LRRK2: variants seen among roughly 807,000 people sequenced by gnomAD.
LRRK2 encodes leucine-rich repeat serine/threonine-protein kinase 2.
In LRRK2, 203 loss-of-function variants were observed where a neutral mutation model predicts 302.6. That is an observed-to-expected ratio of 0.67 (90% confidence interval 0.60 to 0.75). The LOEUF is 0.75. Ranked by LOEUF, LRRK2 falls within the 30% of genes least tolerant of loss-of-function variation. The probability of loss-of-function intolerance (pLI) is 0.00; values close to 1 mark genes in which losing one functional copy is unlikely to be tolerated. For synonymous variants in LRRK2, 1,066 were observed against 1,031.9 expected (o/e 1.03, Z -0.63); for missense variants, 2,830 against 2,951.0 (o/e 0.96, Z 0.95).
intron 45 of LRRK2, 69 bp downstream of exon 45, chr12:40,354,561 G>A: frequency 7.4e-7 from 1 of 1,347,180 alleles, no homozygotes; most frequent in Non-Finnish European, 1.1e-6. Context: ...GTGCATAATT[G>A]TTATTGCATC....
chr12:40,282,451 T>C (rs1382715907), intron 18 of LRRK2, among the ~76,000 whole-genome samples: 1 of 152,050 alleles, frequency 6.6e-6, no homozygotes, highest in Non-Finnish European at 1.5e-5. Flanking sequence ...GTGTTTGGCC[T>C]GAGAGGTTAG....
At chr12:40,249,158 A>G (rs1003057949) in intron 7 of LRRK2, among the ~76,000 whole-genome samples, 6 of 152,178 alleles carry the variant, frequency 3.9e-5, no homozygotes, top group African/African-American at 1.4e-4. Context: ...TTAGTGAGTT[A>G]CAAATAAGCC....
intron 6 of LRRK2, 46 bp from the exon 7 acceptor site, chr12:40,243,504 G>C (rs972945364): frequency 8.7e-6 from 14 of 1,602,714 alleles, no homozygotes; most frequent in Admixed American, 1.7e-5. Flanking sequence ...TATTTGAAAG[G>C]AGAACATGGT....
chr12:40,339,293 C>A (rs1181380410), intron 40 of LRRK2, among the ~76,000 whole-genome samples: 5 of 152,164 alleles, frequency 3.3e-5, no homozygotes, highest in Non-Finnish European at 7.4e-5. Flanking sequence ...TTATAACATA[C>A]CTGTGACATC....
intron 2 of LRRK2, among the ~76,000 whole-genome samples, chr12:40,227,313 C>T (rs1045356497): frequency 9.2e-5 from 14 of 152,132 alleles, no homozygotes; most frequent in African/African-American, 2.2e-4. Flanking sequence ...GTGTTGGCAA[C>T]GTTGCAATTT....
chr12:40,302,956 A>G, intron 26 of LRRK2, 74 bp downstream of exon 26: 1 of 1,020,250 alleles, frequency 9.8e-7, no homozygotes, highest in Non-Finnish European at 1.5e-6. Context: ...ATTTCGATTT[A>G]GTCATATAGA....
chr12:40,255,575 C>T (rs1942466428), intron 11 of LRRK2, among the ~76,000 whole-genome samples: 1 of 152,138 alleles, frequency 6.6e-6, no homozygotes. Context: ...GTTCCTGGAC[C>T]AGCAGCATTT....
intron 39 of LRRK2, among the ~76,000 whole-genome samples, chr12:40,332,665 C>T (rs1945744955): frequency 6.6e-6 from 1 of 152,060 alleles, no homozygotes; most frequent in Non-Finnish European, 1.5e-5. Context: ...TTAGTAACAA[C>T]AGTCACACTG....
intron 50 of LRRK2, chr12:40,367,406 T>C (rs1946911769): frequency 9.8e-6 from 4 of 408,824 alleles, no homozygotes; most frequent in Non-Finnish European, 1.7e-5. Flanking sequence ...TTTTAGAATA[T>C]GAAATGTTAA....
chr12:40,353,969 C>A (rs1035780406), intron 44 of LRRK2, among the ~76,000 whole-genome samples: 8 of 151,892 alleles, frequency 5.3e-5, no homozygotes, highest in Non-Finnish European at 7.4e-5. Flanking sequence ...CAGAGGGAGA[C>A]GGTGGAAAGA....
intron 11 of LRRK2, 139 bp from the exon 12 acceptor site, chr12:40,257,109 G>A (rs1385456723): frequency 1.1e-5 from 7 of 661,662 alleles, no homozygotes; most frequent in Non-Finnish European, 2.5e-6. Context: ...TTATCTTTAA[G>A]CTGTCAATGA....
At chr12:40,240,369 A>G (rs191481816) in intron 5 of LRRK2, 114 bp from the exon 6 acceptor site, 36 of 896,752 alleles carry the variant, frequency 4.0e-5, no homozygotes, top group East Asian at 3.7e-4. Flanking sequence ...TTTTTATTTA[A>G]GGAGATTACA....
chr12:40,301,961 A>G (rs1225021275), intron 25 of LRRK2, among the ~76,000 whole-genome samples: 1 of 152,024 alleles, frequency 6.6e-6, no homozygotes, highest in Non-Finnish European at 1.5e-5. Flanking sequence ...GGCAGATCAC[A>G]AGGTCAGGAG....
chr12:40,367,060 G>A lies in LRRK2; in HGVS notation c.7445G>A (p.Gly2482Asp), dbSNP rs1319495993. The A allele has an allele frequency of 3.1e-6, 5 of 1,608,330 alleles. No homozygotes were observed. Among genetic ancestry groups the A allele is most frequent in the Non-Finnish European group, 4.3e-6 (5 of 1,176,208 alleles). Residue 2482 changes from glycine (G) to aspartate (D), a missense_variant, in exon 50 of 51, where the codon GGT (glycine) becomes GAT (aspartate). Coordinates refer to ENST00000298910, the MANE Select transcript of LRRK2 (RefSeq NM_198578.4). Reference protein sequence around the residue: ...VLGYNRKNTEGTQKQKEIQSC... With the variant: ...VLGYNRKNTEDTQKQKEIQSC... ...GGCTACAACCGGAAAAATACTGAAG[G>A]TACACAAAAGCAGAAAGGTAACATT...
intron 20 of LRRK2, 90 bp downstream of exon 20, chr12:40,287,629 A>G: frequency 7.6e-7 from 1 of 1,319,612 alleles, no homozygotes; most frequent in Non-Finnish European, 1.1e-6. Context: ...GACCTAAATC[A>G]TCTGGAAAAA....
chr12:40,299,156 A>G lies in LRRK2; in HGVS notation c.3395A>G (p.Lys1132Arg). 1 of 1,613,548 alleles carries G rather than the reference A, an allele frequency of 6.2e-7. No individual in the cohort carries two copies. Among genetic ancestry groups the G allele is most frequent in the South Asian group, 1.1e-5 (1 of 91,074 alleles). ...TCCCCCTTGAGACTGAAGGAACTGA[A>G]GATTTTAAACCTTAGTAAGAACCAC... Reference protein sequence around the residue: ...ICSPLRLKELKILNLSKNHIS... With the variant: ...ICSPLRLKELRILNLSKNHIS... The change falls in exon 25 of 51, where the codon AAG becomes AGG. Residue 1132 changes from lysine (K) to arginine (R), a missense_variant. Physicochemically the swap from Lys to Arg is conservative, Grantham distance 26. This residue lies in a region of LRRK2 where 2,121 missense variants were observed against 2,148.0 expected (regional missense o/e 0.99). Coordinates refer to ENST00000298910, the MANE Select transcript of LRRK2 (RefSeq NM_198578.4).
At chr12:40,275,331 G>A (rs763329499) in intron 16 of LRRK2, among the ~76,000 whole-genome samples, 1 of 152,002 alleles carries the variant, frequency 6.6e-6, no homozygotes, top group African/African-American at 2.4e-5. Context: ...GTCACTCTCT[G>A]GGTTTTATTG....
chr12:40,233,835 T>C lies in LRRK2; in HGVS notation c.347+1452T>C, dbSNP rs540241045. Among the ~76,000 whole-genome samples, 67 of 152,332 alleles carry C rather than the reference T, an allele frequency of 4.4e-4. 1 individual carries two copies. Among genetic ancestry groups the C allele is most frequent in the African/African-American group, 1.6e-3 (65 of 41,578 alleles). On this transcript the variant is annotated intron_variant, in intron 3 of 50. Coordinates refer to ENST00000298910, the MANE Select transcript of LRRK2 (RefSeq NM_198578.4). Reference sequence around the variant, plus strand: ...AAATTTCATTCACTCACTCACTTACTCATTCACTCACTTTGTTCATCCAGT... The same window carrying C: ...AAATTTCATTCACTCACTCACTTACCCATTCACTCACTTTGTTCATCCAGT...
intron 2 of LRRK2, among the ~76,000 whole-genome samples, chr12:40,230,422 C>G (rs1353522114): frequency 6.6e-6 from 1 of 152,144 alleles, no homozygotes; most frequent in Non-Finnish European, 1.5e-5. Flanking sequence ...ATGCATCCAG[C>G]CTTATCCCAA....
Sources: gnomAD v4.1 joint callset for allele counts (sites outside exome capture counted in the v4.1 genomes callset) on GRCh38, gnomAD v4.1.1 for gene constraint, gnomAD v4.1.1 regional missense constraint, MANE v1.5 for transcripts, NCBI Gene and HGNC (gene_info 2026-07-23, HGNC 2026-07-21) for gene names.